The following ARHGAP1 variants were observed in gnomAD, a reference collection of about 807,000 sequenced individuals.
ARHGAP1 encodes rho GTPase-activating protein 1.
In ARHGAP1, 23 loss-of-function variants were observed where a neutral mutation model predicts 52.2. The ratio of observed to expected loss-of-function variants is 0.44; its 90% CI spans 0.32 to 0.62. The LOEUF (loss-of-function observed/expected upper bound fraction) is 0.62. Among genes scored for constraint, ARHGAP1 ranks in the 20% least tolerant of loss-of-function variants. ARHGAP1 has a pLI of 0.05. For synonymous variants in ARHGAP1, 210 were observed against 228.4 expected (o/e 0.92, Z 0.73); for missense variants, 480 against 560.9 (o/e 0.86, Z 1.46).
At chr11:46,687,336 C>T (rs1263730691) in intron 4 of ARHGAP1, 1 of 152,326 alleles carries the variant, frequency 6.6e-6, no homozygotes, top group African/African-American at 2.4e-5. Context: ...GCTGAGACTC[C>T]AAATTCAGGC....
At chr11:46,695,451 G>A (rs1476728515) in intron 3 of ARHGAP1, 3 of 664,900 alleles carry the variant, frequency 4.5e-6, no homozygotes, top group Non-Finnish European at 8.3e-6. Flanking sequence ...TAACCCACAA[G>A]GAAGAAATTA....
At chr11:46,683,940 A>G (rs908328445) in intron 4 of ARHGAP1, among the ~76,000 whole-genome samples, 1 of 152,146 alleles carries the variant, frequency 6.6e-6, no homozygotes, top group Admixed American at 6.6e-5. Flanking sequence ...GCGCCCGGCC[A>G]TAGAGCCCTC....
At chr11:46,684,296 ACT>A (rs1320983292) in intron 4 of ARHGAP1, among the ~76,000 whole-genome samples, 2 of 152,122 alleles carry the variant, frequency 1.3e-5, no homozygotes, top group East Asian at 1.9e-4. Flanking sequence ...GAAAACAGAC[ACT>A]CTCATCCACT....
rs567914719 is a variant in ARHGAP1, at chr11:46,693,442, A to G, written c.229+2218T>C. Among the ~76,000 whole-genome samples, 218 of 145,200 alleles carry G rather than the reference A, an allele frequency of 1.5e-3. 3 individuals carry two copies. Among genetic ancestry groups the G allele is most frequent in the African/African-American group, 4.0e-3 (155 of 38,916 alleles). ...TTTCTTTGAGCCAGGATCTTGCTCTATCACCCAGGCTGGAGTGCAGTGGTT... is the reference window on the plus strand; with the variant it reads ...TTTCTTTGAGCCAGGATCTTGCTCTGTCACCCAGGCTGGAGTGCAGTGGTT... On this transcript the variant is annotated intron_variant, in intron 3 of 12. Coordinates refer to ENST00000311956, the MANE Select transcript of ARHGAP1 (RefSeq NM_004308.5).
intron 1 of ARHGAP1, among the ~76,000 whole-genome samples, chr11:46,700,296 G>A (rs549393082): frequency 6.6e-6 from 1 of 151,720 alleles, no homozygotes; most frequent in Non-Finnish European, 1.5e-5. Flanking sequence ...CTGGATGACA[G>A]CGATCCGGCC....
Position 46,696,999 on chromosome 11 carries a change from G to A in ARHGAP1, c.-49-843C>T, listed in dbSNP as rs982473707. On this transcript the variant is annotated intron_variant, in intron 1 of 12. Transcript: ENST00000311956. The surrounding 1 kb of genome is among the most constrained non-coding windows in gnomAD (Gnocchi z 4.8). ...TTGCAGACAGTCTGCAGGCTCCTAG[G>A]GGCGTCCAAGCCCACTCTTACTCTG... 5.5e-4 allele frequency: 83 copies of A among 152,290 alleles called. No homozygotes were observed. The highest frequency in any genetic ancestry group is 1.7e-3 in the African/African-American group (71 of 41,462). 9.4% of individuals were successfully genotyped at this position (152,290 alleles called of 1,614,324 possible).
At position 46,679,891 on chromosome 11, in the gene ARHGAP1, C is replaced by T. The variant is rs1370035575; in HGVS notation, c.899-115G>A. On this transcript the variant is annotated intron_variant, in intron 10 of 12. Transcript: ENST00000311956. The surrounding 1 kb of genome is among the most constrained non-coding windows in gnomAD (Gnocchi z 4.4). Reference sequence around the variant, plus strand: ...CCTGGACACTGCATAAGCCCCTCCTCCCAGGGGCGCCCTCTGACACCTGCC... The same window carrying T: ...CCTGGACACTGCATAAGCCCCTCCTTCCAGGGGCGCCCTCTGACACCTGCC... 5 of 1,461,550 alleles carry T rather than the reference C, an allele frequency of 3.4e-6. No individual in the cohort carries two copies. The highest frequency in any genetic ancestry group is 4.4e-5 in the Admixed American group (2 of 45,754). 90.5% of individuals were successfully genotyped at this position (1,461,550 alleles called of 1,614,324 possible).
At chr11:46,683,200 G>A (rs1236934268) in intron 4 of ARHGAP1, among the ~76,000 whole-genome samples, 1 of 151,850 alleles carries the variant, frequency 6.6e-6, no homozygotes, top group Non-Finnish European at 1.5e-5. Flanking sequence ...CACCACACCC[G>A]GCTCTTTTTT....
chr11:46,682,257 G>C, intron 4 of ARHGAP1, 75 bp from the exon 5 acceptor site: 3 of 1,583,292 alleles, frequency 1.9e-6, no homozygotes, highest in Non-Finnish European at 2.6e-6. Context: ...GCAGCCCCAA[G>C]AGTCTCCCAC....
intron 3 of ARHGAP1, among the ~76,000 whole-genome samples, chr11:46,689,865 A>G (rs959219917): frequency 2.0e-5 from 3 of 152,150 alleles, no homozygotes; most frequent in African/African-American, 7.2e-5. Context: ...AAAAATGCTC[A>G]CTAAAGCATT....
intron 4 of ARHGAP1, 115 bp downstream of exon 4, chr11:46,688,058 G>T: frequency 1.1e-6 from 1 of 938,586 alleles, no homozygotes; most frequent in Non-Finnish European, 1.6e-6. Flanking sequence ...AAGAGGGAAG[G>T]CATTAAGGCA....
Position 46,682,058 on chromosome 11 carries a change from C to A in ARHGAP1, c.442G>T (p.Asp148Tyr). The A allele has an allele frequency of 1.2e-6, 2 of 1,614,092 alleles. No homozygotes were observed. Among genetic ancestry groups the A allele is most frequent in the South Asian group, 2.2e-5 (2 of 91,060 alleles). Residue 148 changes from aspartate to tyrosine, a missense_variant, in exon 5 of 13, where the codon GAC (aspartate) becomes TAC (tyrosine). Coordinates refer to ENST00000311956, the MANE Select transcript of ARHGAP1 (RefSeq NM_004308.5). ...SWLRDAYREF[D>Y]RKYKKNIKAL... ...CCCCATGCCCCAACCCACTTGCGGTCAAACTCCCGGTAGGCATCACGGAGC... is the reference window on the plus strand; with the variant it reads ...CCCCATGCCCCAACCCACTTGCGGTAAAACTCCCGGTAGGCATCACGGAGC...
At chr11:46,688,779 T>A (rs902412160) in intron 3 of ARHGAP1, among the ~76,000 whole-genome samples, 6 of 150,870 alleles carry the variant, frequency 4.0e-5, no homozygotes, top group African/African-American at 1.2e-4. Context: ...CCAGCCAACA[T>A]CACTTTTTAA....
Position 46,677,772 on chromosome 11 carries a change from A to G in ARHGAP1, c.*1265T>C, listed in dbSNP as rs2064489805. 1.3e-5 allele frequency: 4 copies of G among 304,878 alleles called. No homozygotes were observed. The Admixed American group carries it at 1.8e-4, about 14-fold the overall frequency. 18.9% of individuals were successfully genotyped at this position (304,878 alleles called of 1,614,324 possible). ...CGAGACCATCCTGGCCAACATGGTG[A>G]AACCCCGTCTCTACTAAAAATACAA... On this transcript the variant is annotated 3_prime_UTR_variant, in exon 13 of 13. Transcript: ENST00000311956.
At chr11:46,684,341 A>G (rs2064552049) in intron 4 of ARHGAP1, among the ~76,000 whole-genome samples, 1 of 152,254 alleles carries the variant, frequency 6.6e-6, no homozygotes, top group African/African-American at 2.4e-5. Flanking sequence ...AGGGAAATAA[A>G]GTGATGTTTA....
intron 4 of ARHGAP1, among the ~76,000 whole-genome samples, chr11:46,683,561 C>G (rs2134481369): frequency 6.6e-6 from 1 of 152,186 alleles, no homozygotes; most frequent in East Asian, 1.9e-4. Flanking sequence ...CATATACACA[C>G]CTGGTGTTGA....
At chr11:46,691,944 G>T (rs1442225419) in intron 3 of ARHGAP1, among the ~76,000 whole-genome samples, 1 of 152,206 alleles carries the variant, frequency 6.6e-6, no homozygotes. Context: ...CAGATAGTGA[G>T]TTTCCCAAAG....
Position 46,678,971 on chromosome 11 carries a change from T to A in ARHGAP1, c.*66A>T. 2.6e-6 allele frequency: 4 copies of A among 1,549,302 alleles called. No homozygotes were observed. Among genetic ancestry groups the A allele is most frequent in the Non-Finnish European group, 8.8e-7 (1 of 1,134,064 alleles). On this transcript the variant is annotated 3_prime_UTR_variant, in exon 13 of 13. Transcript: ENST00000311956. ...TCTCTCCAGGGGGCTTCATGGCCCC[T>A]GATGCCAGGAGGAAGAGTCCAAACC...
intron 3 of ARHGAP1, among the ~76,000 whole-genome samples, chr11:46,694,877 C>T (rs1163157712): frequency 6.6e-6 from 1 of 152,176 alleles, no homozygotes; most frequent in Non-Finnish European, 1.5e-5. Context: ...CTTCCAGGGC[C>T]GGTGTCTGCC....
Sources: allele counts gnomAD v4.1 joint callset (sites outside exome capture counted in the v4.1 genomes callset), GRCh38; gene constraint gnomAD v4.1.1; non-coding constraint Gnocchi (gnomAD v3.1); transcripts MANE v1.5; gene names NCBI Gene and HGNC (gene_info 2026-07-23, HGNC 2026-07-21).